The following ARHGAP26 variants were observed in gnomAD, a reference collection of about 807,000 sequenced individuals.
ARHGAP26 encodes the protein Rho GTPase activating protein 26, also known as rho GTPase-activating protein 26.
A neutral mutation model predicts 104.8 loss-of-function variants in ARHGAP26; 38 were observed. The ratio of observed to expected loss-of-function variants is 0.36; its 90% CI spans 0.28 to 0.48. ARHGAP26 has a LOEUF of 0.48. Among genes scored for constraint, ARHGAP26 ranks in the 20% least tolerant of loss-of-function variants. The probability of loss-of-function intolerance (pLI) is 0.99; values close to 1 mark genes in which losing one functional copy is unlikely to be tolerated. For missense variants in ARHGAP26, 704 were observed against 947.9 expected (o/e 0.74, Z 3.38); for synonymous variants, 341 against 340.0 (o/e 1.00, Z -0.03).
At chr5:142,982,559 G>A (rs1410949987) in intron 11 of ARHGAP26, among the ~76,000 whole-genome samples, 1 of 152,138 alleles carries the variant, frequency 6.6e-6, no homozygotes, top group East Asian at 1.9e-4. Flanking sequence ...GCTGAATAGC[G>A]GAAGGAAGGA....
At chr5:142,872,217 G>A (rs1755421178) in intron 1 of ARHGAP26, among the ~76,000 whole-genome samples, 1 of 152,022 alleles carries the variant, frequency 6.6e-6, no homozygotes, top group Non-Finnish European at 1.5e-5. Context: ...AAACAGAAAG[G>A]TGGAAAACAC....
rs547638531 is a variant in ARHGAP26, at chr5:142,843,141, C to T, written c.155-30259C>T. Among the ~76,000 whole-genome samples the T allele has an allele frequency of 3.3e-5, 5 of 152,300 alleles. No individual in the cohort carries two copies. The South Asian group carries it at 1.0e-3, about 32-fold the overall frequency. ...AAAAGCTTGCCATGAATGTTCCCTA[C>T]CCCCTGTAATCACACTGGAGGTTTC... On this transcript the variant is annotated intron_variant, in intron 1 of 22. Transcript: ENST00000645722.
chr5:143,120,923 G>A, intron 17 of ARHGAP26, 65 bp from the exon 18 acceptor site: 1 of 1,502,992 alleles, frequency 6.7e-7, no homozygotes, highest in East Asian at 2.3e-5. Context: ...GAAGGATACA[G>A]GGTGGTTGGT....
At chr5:142,982,871 G>A (rs1467909724) in intron 11 of ARHGAP26, among the ~76,000 whole-genome samples, 4 of 152,154 alleles carry the variant, frequency 2.6e-5, no homozygotes, top group Non-Finnish European at 5.9e-5. Flanking sequence ...CTTACAGGAT[G>A]GTCATCTCTA....
chr5:143,056,237 T>A, intron 16 of ARHGAP26, 151 bp downstream of exon 16: 1 of 509,872 alleles, frequency 2.0e-6, no homozygotes, highest in Non-Finnish European at 3.4e-6. Flanking sequence ...TAACACGGAA[T>A]AAAAAGGAAA....
chr5:143,098,416 G>A (rs1431315736), intron 17 of ARHGAP26, among the ~76,000 whole-genome samples: 2 of 152,034 alleles, frequency 1.3e-5, no homozygotes, highest in African/African-American at 2.4e-5. Flanking sequence ...ATTCAAGTTT[G>A]ACTTAAAACC....
At chr5:143,074,021 A>C (rs1178454095) in intron 17 of ARHGAP26, among the ~76,000 whole-genome samples, 1 of 152,226 alleles carries the variant, frequency 6.6e-6, no homozygotes, top group Non-Finnish European at 1.5e-5. Flanking sequence ...ACTGGAGAGT[A>C]GGCAGCAGAG....
chr5:143,168,861 C>G (rs932525724), intron 20 of ARHGAP26: 1 of 151,496 alleles, frequency 6.6e-6, no homozygotes, highest in Non-Finnish European at 1.5e-5. Flanking sequence ...ATTTTTACTC[C>G]TTACACAGAG....
intron 20 of ARHGAP26, among the ~76,000 whole-genome samples, chr5:143,179,105 G>A (rs1473368203): frequency 6.6e-6 from 1 of 152,132 alleles, no homozygotes; most frequent in Non-Finnish European, 1.5e-5. Flanking sequence ...CCTGACCTTA[G>A]CGATCCACCT....
At chr5:143,070,714 G>C (rs1024021786) in intron 17 of ARHGAP26, among the ~76,000 whole-genome samples, 1 of 151,994 alleles carries the variant, frequency 6.6e-6, no homozygotes, top group African/African-American at 2.4e-5. Context: ...GTTCCAGACC[G>C]GCCTGGCTAA....
chr5:142,789,619 T>C (rs1759379126), intron 1 of ARHGAP26, among the ~76,000 whole-genome samples: 1 of 152,214 alleles, frequency 6.6e-6, no homozygotes, highest in Non-Finnish European at 1.5e-5. Flanking sequence ...AAAGTTGCCT[T>C]ATTTATATAA....
Position 143,159,781 on chromosome 5 carries a change from T to C in ARHGAP26, c.1988+12400T>C, listed in dbSNP as rs1331878947. Among the ~76,000 whole-genome samples, 2 of 152,130 alleles carry C rather than the reference T, an allele frequency of 1.3e-5. 1 individual carries two copies. Among genetic ancestry groups the C allele is most frequent in the African/African-American group, 4.8e-5 (2 of 41,442 alleles). ...CACAGGATTTATAGACACACATGGG[T>C]GGGTGTAATATCTGTAATATTTCTG... On this transcript the variant is annotated intron_variant, in intron 20 of 22. Coordinates refer to ENST00000645722, the MANE Select transcript of ARHGAP26 (RefSeq NM_001135608.3).
chr5:143,180,764 A>AGTG (rs1360349984), intron 20 of ARHGAP26, among the ~76,000 whole-genome samples: 1 of 152,142 alleles, frequency 6.6e-6, no homozygotes, highest in Admixed American at 6.5e-5. Context: ...GTCTCTCCCT[A>AGTG]GACATGTGGG....
intron 12 of ARHGAP26, among the ~76,000 whole-genome samples, chr5:143,031,927 G>A (rs2152862515): frequency 6.6e-6 from 1 of 152,196 alleles, no homozygotes; most frequent in East Asian, 1.9e-4. Flanking sequence ...GATGTAACCT[G>A]CCTCCAGCCT....
chr5:142,830,736 A>G (rs1768240752), intron 1 of ARHGAP26, among the ~76,000 whole-genome samples: 1 of 152,178 alleles, frequency 6.6e-6, no homozygotes. Context: ...CACACAAAAT[A>G]TGTAGCCTCT....
intron 10 of ARHGAP26, among the ~76,000 whole-genome samples, chr5:142,924,325 C>T (rs1234976815): frequency 6.6e-6 from 1 of 152,082 alleles, no homozygotes; most frequent in East Asian, 1.9e-4. Context: ...CACAGGGGGG[C>T]AGTACAACAT....
At chr5:143,008,461 T>C (rs142040376) in intron 11 of ARHGAP26, among the ~76,000 whole-genome samples, 19 of 152,320 alleles carry the variant, frequency 1.2e-4, no homozygotes, top group East Asian at 3.9e-4. Context: ...TTTTAAGATG[T>C]TGACACATTG....
In ARHGAP26 at chr5:143,155,588, C is replaced by A. The variant is rs74356728; in HGVS notation, c.1988+8207C>A. 1.6e-3 allele frequency among the ~76,000 whole-genome samples: 241 copies of A among 152,296 alleles called. 2 individuals carry two copies. In the East Asian group the frequency reaches 0.044, roughly 28 times the overall value. ...GACCCAGCAGGGTTTCTTTCCCAAG[C>A]ACCAGGGACCCATCGGTGGCACTTG... On this transcript the variant is annotated intron_variant, in intron 20 of 22. Transcript: ENST00000645722.
intron 19 of ARHGAP26, among the ~76,000 whole-genome samples, chr5:143,142,134 CTT>C (rs762332039): frequency 0.068 from 7,162 of 105,006 alleles, 159 homozygotes; most frequent in Non-Finnish European, 0.087. Flanking sequence ...CTACTTTTCA[CTT>C]TTTTTTTTTT....
Sources: gnomAD v4.1 joint callset for allele counts (sites outside exome capture counted in the v4.1 genomes callset) on GRCh38, gnomAD v4.1.1 for gene constraint, MANE v1.5 for transcripts, NCBI Gene and HGNC (gene_info 2026-07-23, HGNC 2026-07-21) for gene names.